CROCC2: variants seen among roughly 807,000 people sequenced by gnomAD.
CROCC2 encodes the protein ciliary rootlet coiled-coil, rootletin family member 2.
In CROCC2, 163 loss-of-function variants were observed where a neutral mutation model predicts 177.6. That is an observed-to-expected ratio of 0.92 (90% CI 0.81 to 1.05). CROCC2 has a LOEUF of 1.05. Ranked by LOEUF, CROCC2 falls within the 50% of genes least tolerant of loss-of-function variation. The pLI is 0.00. For synonymous variants in CROCC2, 904 were observed against 787.3 expected, an observed-to-expected ratio of 1.15 and a Z score of -2.48; for missense variants, 1,929 against 1,797.8, an observed-to-expected ratio of 1.07 and a Z score of -1.32.
In CROCC2 at chr2:240,920,074, G is replaced by A. The variant is rs1379708586; in HGVS notation, c.321G>A (p.Leu107=). The A allele has an allele frequency of 1.4e-6, 1 of 715,148 alleles. No individual in the cohort carries two copies. Among genetic ancestry groups the A allele is most frequent in the African/African-American group, 1.7e-5 (1 of 57,358 alleles). 44.3% of individuals were successfully genotyped at this position (715,148 alleles called of 1,614,324 possible). A position where few individuals can be genotyped will look rare whatever the true frequency, so the allele number is the denominator to read the frequency against. The change falls in exon 3 of 32, where the codon CTG becomes CTA. Residue 107 remains leucine, a synonymous_variant. Coordinates refer to ENST00000690015, the MANE Select transcript of CROCC2 (RefSeq NM_001351305.2). ...AGCTGACCCGGCTGGGGGACCTGCT[G>A]GCCCAGGCCAGCGCCGAGCGAGATG... The part of the protein sequence containing the change: ...QEELTRLGDL[L]AQASAERDEL...
At chr2:240,914,794 G>GGCC (rs1315482947) in intron 1 of CROCC2, among the ~76,000 whole-genome samples, 5 of 152,182 alleles carry the variant, frequency 3.3e-5, no homozygotes, top group African/African-American at 1.2e-4. Context: ...GGGGTGGTGG[G>GGCC]GCTGCTGAGG....
At position 240,932,880 on chromosome 2, in the gene CROCC2, C is replaced by T. The variant is rs2059443426; in HGVS notation, c.1223C>T (p.Ala408Val). ...LDPALQAMRA[A>V]IERRWRREQE... ...CCCGCACTGCAGGCCATGCGGGCAG[C>T]CATAGAGAGGCGGTGGCGGCGGGAA... The change falls in exon 9 of 32, where the codon GCC becomes GTC. Residue 408 changes from alanine to valine, a missense_variant. Physicochemically the swap from Ala to Val is moderately conservative, Grantham distance 64 (BLOSUM62 0). Coordinates refer to ENST00000690015, the MANE Select transcript of CROCC2 (RefSeq NM_001351305.2). The T allele has an allele frequency of 1.3e-6, 2 of 1,547,456 alleles. No homozygotes were observed. Among genetic ancestry groups the T allele is most frequent in the Non-Finnish European group, 1.7e-6 (2 of 1,146,240 alleles).
rs10181667 is a variant in CROCC2, at chr2:240,947,404, C to T, written c.2363+1151C>T. On this transcript the variant is annotated intron_variant, in intron 15 of 31. Coordinates refer to ENST00000690015, the MANE Select transcript of CROCC2 (RefSeq NM_001351305.2). ...CCTGGGTGCTGCCCTGACAGCTGCC[C>T]CTACCTCAGCCCTGCCACTGACCCG... Among the ~76,000 whole-genome samples the T allele has an allele frequency of 7.2e-3, 1,103 of 152,252 alleles. 12 individuals are homozygous for T. The highest frequency in any genetic ancestry group is 0.027 in the Middle Eastern group (8 of 294).
chr2:240,931,627 G>A (rs1412711486), intron 7 of CROCC2, among the ~76,000 whole-genome samples: 3 of 152,238 alleles, frequency 2.0e-5, no homozygotes, highest in South Asian at 2.1e-4. Flanking sequence ...TCTCTTGAGG[G>A]CAGCTTCAGC....
Position 240,965,625 on chromosome 2 carries a change from C to T in CROCC2, c.3604-11C>T. The T allele has an allele frequency of 1.9e-6, 3 of 1,550,380 alleles. No individual in the cohort carries two copies. Among genetic ancestry groups the T allele is most frequent in the South Asian group, 1.2e-5 (1 of 84,010 alleles). On this transcript the variant is annotated splice_polypyrimidine_tract_variant and intron_variant, in intron 23 of 31. Transcript: ENST00000690015. ...GTCTCCCACGGGCGCACCCCAACAT[C>T]CCTCCTACAGGTCCTGGGATTGCAG...
intron 1 of CROCC2, among the ~76,000 whole-genome samples, chr2:240,911,540 T>C (rs1327128167): frequency 6.6e-6 from 1 of 152,228 alleles, no homozygotes; most frequent in Non-Finnish European, 1.5e-5. Context: ...TCAAGCGATG[T>C]GCGCGCCTCA....
chr2:240,919,685 G>A (rs1244675136), intron 2 of CROCC2, among the ~76,000 whole-genome samples: 3 of 152,158 alleles, frequency 2.0e-5, no homozygotes, highest in Non-Finnish European at 4.4e-5. Flanking sequence ...CCAGCGTCCA[G>A]GCCGCCCACA....
chr2:240,926,737 C>G (rs1330709998), intron 5 of CROCC2, among the ~76,000 whole-genome samples: 2 of 152,278 alleles, frequency 1.3e-5, no homozygotes, highest in Admixed American at 1.3e-4. Flanking sequence ...CCCCGAGCCC[C>G]CCACAGCTGC....
Position 240,989,777 on chromosome 2 carries a change from G to T in CROCC2, c.4807G>T (p.Ala1603Ser). 2.6e-6 allele frequency: 4 copies of T among 1,550,002 alleles called. No homozygotes were observed. Among genetic ancestry groups the T allele is most frequent in the Non-Finnish European group, 3.5e-6 (4 of 1,146,642 alleles). Reference sequence around the variant, plus strand: ...TGGGGCCCGGCCGCAGGCCACGCAGGCCCTGGAGTCCCAAGAATGGACCCA... The same window carrying T: ...TGGGGCCCGGCCGCAGGCCACGCAGTCCCTGGAGTCCCAAGAATGGACCCA... ...LHGARPQATQ[A>S]LESQEWTHQQ... The change falls in exon 30 of 32, where the codon GCC becomes TCC. Residue 1603 changes from alanine (A) to serine (S), a missense_variant. This residue lies in a region of CROCC2 where 388 missense variants were observed against 352.7 expected (regional missense o/e 1.10). Transcript: ENST00000690015.
Position 240,949,443 on chromosome 2 carries a change from TG to T in CROCC2, c.2483-89del. On this transcript the variant is annotated intron_variant, in intron 16 of 31. Coordinates refer to ENST00000690015, the MANE Select transcript of CROCC2 (RefSeq NM_001351305.2). This position sits in a 1 kb window ranked among gnomAD's most constrained non-coding sequence, Gnocchi z 4.5. The stretch of plus-strand genomic sequence containing the variant: ...CCCGGAGCCTGGAGTGGACAGTGCT[TG>T]CCCCCAAGACTGTCACTCCCTAGGA... 7.6e-6 allele frequency: 11 copies of T among 1,444,364 alleles called. No homozygotes were observed. Among genetic ancestry groups the T allele is most frequent in the Non-Finnish European group, 1.0e-5 (11 of 1,066,656 alleles). The allele number at this position is 1,444,364 out of a possible 1,614,324, so 89.5% of individuals were successfully genotyped here. A position where few individuals can be genotyped will look rare whatever the true frequency, so the allele number is the denominator to read the frequency against.
Position 240,949,270 on chromosome 2 carries a change from G to A in CROCC2, c.2482+173G>A, listed in dbSNP as rs1368874995. The A allele has an allele frequency of 1.1e-6, 1 of 872,208 alleles. No homozygotes were observed. Among genetic ancestry groups the A allele is most frequent in the Non-Finnish European group, 1.4e-6 (1 of 726,552 alleles). The allele number at this position is 872,208 out of a possible 1,614,324, so 54.0% of individuals were successfully genotyped here. ...GACTTGGGCCACCCTCGCCCATGAG[G>A]AGCAGCAACACCCTGCCCAGGCTGC... On this transcript the variant is annotated intron_variant, in intron 16 of 31. Coordinates refer to ENST00000690015, the MANE Select transcript of CROCC2 (RefSeq NM_001351305.2). This position sits in a 1 kb window ranked among gnomAD's most constrained non-coding sequence, Gnocchi z 4.5.
At chr2:240,955,144 T>G (rs2059582812) in intron 18 of CROCC2, 1 of 152,218 alleles carries the variant, frequency 6.6e-6, no homozygotes, top group Admixed American at 6.5e-5. Context: ...CTGGGCTGCA[T>G]GCTGAGCTGC....
At chr2:240,959,215 T>G in intron 19 of CROCC2, 86 bp from the exon 20 acceptor site, 1 of 1,417,280 alleles carries the variant, frequency 7.1e-7, no homozygotes, top group Non-Finnish European at 9.3e-7. Flanking sequence ...CTGCAACACC[T>G]CTCTCTCCAG....
intron 18 of CROCC2, among the ~76,000 whole-genome samples, chr2:240,952,442 T>C (rs889848402): frequency 3.3e-5 from 5 of 152,232 alleles, no homozygotes; most frequent in African/African-American, 1.2e-4. Context: ...CATGCTCTAA[T>C]TATCCCTATA....
intron 19 of CROCC2, among the ~76,000 whole-genome samples, 183 bp downstream of exon 19, chr2:240,956,155 T>A (rs928590995): frequency 6.6e-6 from 1 of 152,194 alleles, no homozygotes; most frequent in African/African-American, 2.4e-5. Context: ...GCAGGAAAGA[T>A]CCAAGTGAAC....
intron 21 of CROCC2, chr2:240,964,175 G>C: frequency 1.8e-6 from 1 of 552,108 alleles, no homozygotes; most frequent in Non-Finnish European, 3.3e-6. Context: ...TACCAGGCTA[G>C]GCTGGATGTT....
rs2059605462 is a variant in CROCC2, at chr2:240,958,143, G to C, written c.2944-1158G>C. The C allele has an allele frequency of 1.0e-6, 1 of 985,402 alleles. No individual in the cohort carries two copies. Among genetic ancestry groups the C allele is most frequent in the Non-Finnish European group, 1.2e-6 (1 of 829,908 alleles). 61.0% of individuals were successfully genotyped at this position (985,402 alleles called of 1,614,324 possible). On this transcript the variant is annotated intron_variant, in intron 19 of 31. Transcript: ENST00000690015. The surrounding 1 kb of genome is among the most constrained non-coding windows in gnomAD (Gnocchi z 6.7). ...ACTGTTGAGAGGAGCGGGAGGAGAG[G>C]AATGCCGGCCAAGGAGCACCAGGCG...
At position 240,982,765 on chromosome 2, in the gene CROCC2, C is replaced by T. The variant is rs4234090; in HGVS notation, c.4402-115C>T. 327,984 of 868,226 alleles carry T rather than the reference C, an allele frequency of 0.38. 63,395 individuals carry two copies. Among genetic ancestry groups the T allele is most frequent in the East Asian group, 0.49 (17,963 of 36,622 alleles). 53.8% of individuals were successfully genotyped at this position (868,226 alleles called of 1,614,324 possible). A position where few individuals can be genotyped will look rare whatever the true frequency, so the allele number is the denominator to read the frequency against. ...TTAACCACGTTCTTGCTGTTTTCAT[C>T]CCAGCGATACGGTCCTGCCAGACGG... On this transcript the variant is annotated intron_variant, in intron 27 of 31. Transcript: ENST00000690015. The surrounding 1 kb of genome is among the most constrained non-coding windows in gnomAD (Gnocchi z 4.7).
intron 26 of CROCC2, 29 bp from the exon 27 acceptor site, chr2:240,968,100 C>T (rs759764379): frequency 4.8e-5 from 68 of 1,407,870 alleles, no homozygotes; most frequent in Admixed American, 4.7e-4. Context: ...GGCATGGGGG[C>T]CCCTCAAGCC....
Sources: allele counts gnomAD v4.1 joint callset (sites outside exome capture counted in the v4.1 genomes callset), GRCh38; gene constraint gnomAD v4.1.1; regional missense constraint gnomAD v4.1.1; non-coding constraint Gnocchi (gnomAD v3.1); transcripts MANE v1.5; gene names NCBI Gene and HGNC (gene_info 2026-07-23, HGNC 2026-07-21).